ZC3H3: variants seen among roughly 807,000 people sequenced by gnomAD.
ZC3H3 encodes zinc finger CCCH domain-containing protein 3.
Under a neutral mutation model 77.3 loss-of-function variants are expected in ZC3H3, and 36 were observed. The observed-to-expected ratio is 0.47, with a 90% CI of 0.36 to 0.61. ZC3H3 has a LOEUF of 0.61. Ranked by LOEUF, ZC3H3 falls within the 20% of genes least tolerant of loss-of-function variation. The probability of loss-of-function intolerance (pLI) is 0.00; values close to 1 mark genes in which losing one functional copy is unlikely to be tolerated. For synonymous variants in ZC3H3, 626 were observed against 555.2 expected, an observed-to-expected ratio of 1.13 and a Z score of -1.79; for missense variants, 1,331 against 1,312.2, an observed-to-expected ratio of 1.01 and a Z score of -0.22.
At chr8:143,513,955 C>G (rs981947168) in intron 3 of ZC3H3, among the ~76,000 whole-genome samples, 4 of 152,176 alleles carry the variant, frequency 2.6e-5, no homozygotes, top group Admixed American at 6.5e-5. Flanking sequence ...CTCGCCAGGG[C>G]TGCACAACAA....
At chr8:143,438,551 G>T (rs898407253) in intron 11 of ZC3H3, among the ~76,000 whole-genome samples, 1 of 152,178 alleles carries the variant, frequency 6.6e-6, no homozygotes, top group Non-Finnish European at 1.5e-5. Context: ...GGCGGGGAGG[G>T]GCAGGAGCAG....
At chr8:143,442,409 T>G (rs868552342) in intron 9 of ZC3H3, among the ~76,000 whole-genome samples, 4,929 of 27,064 alleles carry the variant, frequency 0.18, no homozygotes, top group Middle Eastern at 0.38. Context: ...CCGGGGGGGG[T>G]GGGGGGGCGG....
chr8:143,472,906 C>G lies in ZC3H3; in HGVS notation c.1903+2492G>C, dbSNP rs537216631. 2.5e-4 allele frequency among the ~76,000 whole-genome samples: 38 copies of G among 152,302 alleles called. 2 individuals are homozygous for G. In the South Asian group the frequency reaches 7.9e-3, roughly 32 times the overall value. ...CAGCTGCTGCAGTGGGGGCCACTCCCTGAGTGGGTGGGTCCTCCCTGGGAT... is the reference window on the plus strand; with the variant it reads ...CAGCTGCTGCAGTGGGGGCCACTCCGTGAGTGGGTGGGTCCTCCCTGGGAT... On this transcript the variant is annotated intron_variant, in intron 5 of 11. Coordinates refer to ENST00000262577, the MANE Select transcript of ZC3H3 (RefSeq NM_015117.3).
chr8:143,532,420 A>G (rs2382959), intron 3 of ZC3H3, among the ~76,000 whole-genome samples: 44,433 of 152,224 alleles, frequency 0.29, 6,820 homozygotes, highest in Admixed American at 0.38. Context: ...ACACTGGGAC[A>G]CTGCCGTCTC....
chr8:143,483,400 T>C (rs1820961923), intron 4 of ZC3H3, among the ~76,000 whole-genome samples: 1 of 152,142 alleles, frequency 6.6e-6, no homozygotes. Flanking sequence ...ATGGGGCCCT[T>C]GGCTGGAGAG....
chr8:143,507,949 G>A, intron 3 of ZC3H3, 50 bp from the exon 4 acceptor site: 1 of 1,507,172 alleles, frequency 6.6e-7, no homozygotes, highest in Non-Finnish European at 8.9e-7. Flanking sequence ...GGCCGGCAAG[G>A]GTAGGGTCAG....
chr8:143,515,601 G>A (rs909013944), intron 3 of ZC3H3, among the ~76,000 whole-genome samples: 2 of 152,326 alleles, frequency 1.3e-5, no homozygotes, highest in African/African-American at 2.4e-5. Context: ...CAGGCAGAAC[G>A]TCCCCATCAC....
intron 4 of ZC3H3, among the ~76,000 whole-genome samples, chr8:143,481,533 G>A (rs532933141): frequency 2.6e-5 from 4 of 152,300 alleles, no homozygotes; most frequent in Admixed American, 6.5e-5. Context: ...CTCCAGACCC[G>A]CCAGGGGCTC....
chr8:143,455,743 C>T (rs942744284), intron 9 of ZC3H3, among the ~76,000 whole-genome samples: 9 of 151,908 alleles, frequency 5.9e-5, no homozygotes, highest in African/African-American at 1.7e-4. Context: ...GAGACCTAGG[C>T]GGGTGGATCA....
chr8:143,508,105 C>T (rs374159007), intron 3 of ZC3H3, among the ~76,000 whole-genome samples: 2 of 152,366 alleles, frequency 1.3e-5, no homozygotes, highest in East Asian at 3.9e-4. Context: ...CTAGCCAGTG[C>T]AGCCTCTGAG....
intron 9 of ZC3H3, among the ~76,000 whole-genome samples, chr8:143,444,953 T>C (rs1340838579): frequency 2.0e-5 from 3 of 152,240 alleles, no homozygotes; most frequent in African/African-American, 4.8e-5. Flanking sequence ...AACTAATTAC[T>C]AATATAGTTC....
intron 4 of ZC3H3, 97 bp downstream of exon 4, chr8:143,507,649 G>C: frequency 7.5e-7 from 1 of 1,341,690 alleles, no homozygotes; most frequent in Non-Finnish European, 9.6e-7. Flanking sequence ...GATGTGCTCA[G>C]CTCCCCCTGG....
chr8:143,489,854 G>A (rs935402536), intron 4 of ZC3H3, among the ~76,000 whole-genome samples: 39 of 152,292 alleles, frequency 2.6e-4, no homozygotes, highest in African/African-American at 8.2e-4. Context: ...ATTAAACCGC[G>A]CCTGACTCTG....
chr8:143,458,350 A>C (rs1292095453), intron 9 of ZC3H3, among the ~76,000 whole-genome samples: 1 of 152,290 alleles, frequency 6.6e-6, no homozygotes, highest in East Asian at 1.9e-4. Context: ...CCCAACAAAG[A>C]AAAGCCCAGG....
At position 143,538,442 on chromosome 8, in the gene ZC3H3, T is replaced by C. The variant is rs1351807070; in HGVS notation, c.925A>G (p.Asn309Asp). Reference sequence around the variant, plus strand: ...GAGGCAGCCACCCATTTGTAGTTGTTTTTCCGGAACTTGTTAGTTCGACAG... The same window carrying C: ...GAGGCAGCCACCCATTTGTAGTTGTCTTTCCGGAACTTGTTAGTTCGACAG... Reference protein sequence around the residue: ...VTCRTNKFRKNNYKWVAASSK... With the variant: ...VTCRTNKFRKDNYKWVAASSK... Residue 309 changes from asparagine to aspartate, a missense_variant, in exon 2 of 12, where the codon AAC becomes GAC. Around this residue, in one of 3 missense-constraint regions of ZC3H3, gnomAD observed 978 missense variants for 915.5 expected, o/e 1.07. Transcript: ENST00000262577. The C allele has an allele frequency of 3.1e-6, 5 of 1,613,044 alleles. No individual in the cohort carries two copies. Among genetic ancestry groups the C allele is most frequent in the South Asian group, 1.1e-5 (1 of 91,092 alleles).
At chr8:143,463,722 C>A (rs2129860202) in intron 9 of ZC3H3, among the ~76,000 whole-genome samples, 1 of 152,300 alleles carries the variant, frequency 6.6e-6, no homozygotes, top group South Asian at 2.1e-4. Context: ...GACAGGGACG[C>A]CTACTGGGGA....
chr8:143,456,978 G>C (rs1166425857), intron 9 of ZC3H3, among the ~76,000 whole-genome samples: 1 of 152,180 alleles, frequency 6.6e-6, no homozygotes, highest in East Asian at 1.9e-4. Flanking sequence ...GCTATGAAAG[G>C]AGAAACAGAC....
chr8:143,455,197 C>T (rs544160006), intron 9 of ZC3H3, among the ~76,000 whole-genome samples: 2 of 152,198 alleles, frequency 1.3e-5, no homozygotes, highest in East Asian at 3.9e-4. Flanking sequence ...GCCTGTAATC[C>T]CAGCTACTCA....
At chr8:143,457,602 G>A (rs991003962) in intron 9 of ZC3H3, among the ~76,000 whole-genome samples, 10 of 152,098 alleles carry the variant, frequency 6.6e-5, no homozygotes, top group Non-Finnish European at 1.2e-4. Context: ...TGTGGTAGCA[G>A]GGACCTGTAG....
Sources: allele counts gnomAD v4.1 joint callset (sites outside exome capture counted in the v4.1 genomes callset), GRCh38; gene constraint gnomAD v4.1.1; regional missense constraint gnomAD v4.1.1; transcripts MANE v1.5; gene names NCBI Gene and HGNC (gene_info 2026-07-23, HGNC 2026-07-21).